The following BCAR1 variants were observed in gnomAD, a reference collection of about 807,000 sequenced individuals.
The protein encoded by BCAR1 is breast cancer anti-estrogen resistance protein 1.
Under a neutral mutation model 67.6 loss-of-function variants are expected in BCAR1, and 30 were observed. The ratio of observed to expected loss-of-function variants is 0.44; its 90% CI spans 0.33 to 0.60. The LOEUF (loss-of-function observed/expected upper bound fraction) is 0.60, where lower values mean the gene tolerates loss of function less well. Ranked by LOEUF, BCAR1 falls within the 20% of genes least tolerant of loss-of-function variation. The pLI, the probability that BCAR1 is intolerant of heterozygous loss-of-function variation, is 0.02. For missense variants in BCAR1, 1,313 were observed against 1,222.3 expected (o/e 1.07, Z -1.11); for synonymous variants, 626 against 556.7 (o/e 1.12, Z -1.75).
chr16:75,250,662 C>T, intron 1 of BCAR1: 3 of 985,544 alleles, frequency 3.0e-6, no homozygotes, highest in Non-Finnish European at 3.6e-6. Context: ...TTTCCCAACT[C>T]CCTCACCTCG....
At chr16:75,238,916 G>A (rs560764853) in intron 2 of BCAR1, 2 of 985,392 alleles carry the variant, frequency 2.0e-6, no homozygotes, top group East Asian at 1.1e-4. Context: ...CCAGCCTCAA[G>A]GCTCAGCCAG....
chr16:75,238,445 T>TC (rs2077217805), intron 2 of BCAR1: 1 of 1,020,018 alleles, frequency 9.8e-7, no homozygotes, highest in African/African-American at 1.7e-5. Context: ...AAGCAGCCCC[T>TC]CCCCCGGGCC....
intron 6 of BCAR1, among the ~76,000 whole-genome samples, chr16:75,231,944 C>T (rs774260645): frequency 5.9e-5 from 9 of 152,280 alleles, no homozygotes; most frequent in Admixed American, 1.3e-4. Context: ...TGCAGTGGTG[C>T]GATCTCGGCT....
At chr16:75,263,642 C>A (rs1178452746) in intron 1 of BCAR1, 12 of 985,346 alleles carry the variant, frequency 1.2e-5, no homozygotes, top group Non-Finnish European at 1.4e-5. Context: ...TCTCACCCTG[C>A]TTCCCCTCCC....
chr16:75,249,349 G>A (rs1362107640), intron 1 of BCAR1: 3 of 152,264 alleles, frequency 2.0e-5, no homozygotes, highest in South Asian at 2.1e-4. Context: ...AGGCTAGAAT[G>A]TAGAGGTGGG....
At chr16:75,254,771 CT>C (rs1248973553), upstream of BCAR1, among the ~76,000 whole-genome samples, 2 of 152,172 alleles carry the variant, frequency 1.3e-5, no homozygotes, top group African/African-American at 2.4e-5. Context: ...TGAAGATGAG[CT>C]CACAGGCTGG....
intron 1 of BCAR1, chr16:75,247,835 A>G (rs2077564518): frequency 1.7e-6 from 1 of 586,698 alleles, no homozygotes; most frequent in Admixed American, 2.8e-5. Context: ...CCCGCAAGCC[A>G]GCACAAGGTG....
At chr16:75,265,606 G>T (rs757822796) in intron 1 of BCAR1, among the ~76,000 whole-genome samples, 28 of 151,970 alleles carry the variant, frequency 1.8e-4, no homozygotes, top group Non-Finnish European at 2.9e-4. Flanking sequence ...ACCCCAGCCC[G>T]ATCCAGCTCT....
At chr16:75,230,790 T>G (rs895878768) in intron 6 of BCAR1, among the ~76,000 whole-genome samples, 1 of 152,298 alleles carries the variant, frequency 6.6e-6, no homozygotes. Context: ...TCCTAACACT[T>G]AGAACCTCGC....
rs770921715 is a variant in BCAR1, at chr16:75,235,132, G to A, written c.1767C>T (p.Asp589=). 8.7e-6 allele frequency: 14 copies of A among 1,609,760 alleles called. No homozygotes were observed. The highest frequency in any genetic ancestry group is 3.3e-4 in the Middle Eastern group (2 of 6,082). ...LVACSRAVPE[D]AKQLASFLHG... ...GCAGGAAGGAGGCCAGCTGCTTGGC[G>A]TCCTCGGGCACAGCCCGCGAGCAGG... Residue 589 remains aspartate, a synonymous_variant, in exon 5 of 7, where the codon GAC becomes GAT. Transcript: ENST00000162330.
chr16:75,237,198 G>T lies in BCAR1; in HGVS notation c.780C>A (p.Ser260Arg), dbSNP rs1365552723. ...CCACACCTACCTCCTGGCCATACTG[G>T]CTGGGAAGCAGCCCCCGAACCGGGG... is the stretch of plus-strand genomic sequence containing the variant. ...DVPPVRGLLP[S>R]QYGQEVYDTP... The change falls in exon 3 of 7, where the codon AGC becomes AGA. Residue 260 changes from serine to arginine, a missense_variant. Physicochemically the swap from Ser to Arg is moderately radical, Grantham distance 110. Around this residue, in one of 2 missense-constraint regions of BCAR1, gnomAD observed 1,272 missense variants for 1,137.5 expected, o/e 1.12. Transcript: ENST00000162330. 3 of 1,572,266 alleles carry T rather than the reference G, an allele frequency of 1.9e-6. No individual in the cohort carries two copies. The highest frequency in any genetic ancestry group is 1.4e-5 in the African/African-American group (1 of 73,350).
At chr16:75,243,228 T>A in intron 1 of BCAR1, 138 bp from the exon 2 acceptor site, 1 of 937,166 alleles carries the variant, frequency 1.1e-6, no homozygotes, top group Non-Finnish European at 1.6e-6. Flanking sequence ...GCGAGATCAT[T>A]GTGCCTTTGC....
At chr16:75,246,232 A>T (rs948772267) in intron 1 of BCAR1, 1 of 152,028 alleles carries the variant, frequency 6.6e-6, no homozygotes, top group African/African-American at 2.4e-5. Flanking sequence ...CGGACTCCCA[A>T]AGTGCTGGGA....
At chr16:75,241,549 C>A (rs1240788525) in intron 2 of BCAR1, among the ~76,000 whole-genome samples, 1 of 152,210 alleles carries the variant, frequency 6.6e-6, no homozygotes, top group Non-Finnish European at 1.5e-5. Flanking sequence ...CGCCTCTGAC[C>A]AGATGGCTGA....
Position 75,235,024 on chromosome 16 carries a change from G to A in BCAR1, c.1875C>T (p.Pro625=). The A allele has an allele frequency of 1.2e-6, 2 of 1,613,274 alleles. No individual in the cohort carries two copies. Among genetic ancestry groups the A allele is most frequent in the South Asian group, 1.1e-5 (1 of 91,064 alleles). Reference sequence around the variant, plus strand: ...ACTGGATGCTGCTGGTCTTGTCAGTGGGGTTGGGGTGCAGGGTGCCACCCC... The same window carrying A: ...ACTGGATGCTGCTGGTCTTGTCAGTAGGGTTGGGGTGCAGGGTGCCACCCC... ...PEGGGTLHPN[P]TDKTSSIQSR... is the part of the protein sequence containing the mutation. Residue 625 remains proline (P), a synonymous_variant, in exon 5 of 7, where the codon CCC becomes CCT. Transcript: ENST00000162330.
chr16:75,264,300 G>A (rs750452057), intron 1 of BCAR1: 3 of 1,423,564 alleles, frequency 2.1e-6, no homozygotes, highest in Non-Finnish European at 2.8e-6. Context: ...GCCCGCCCAG[G>A]CTGGGATGTG....
intron 1 of BCAR1, chr16:75,246,893 A>T (rs2077538017): frequency 1.3e-5 from 2 of 152,300 alleles, no homozygotes; most frequent in Admixed American, 1.3e-4. Flanking sequence ...CAAGTTTTCA[A>T]GGGACACAAC....
At chr16:75,257,609 C>T (rs1433330626) in intron 1 of BCAR1, among the ~76,000 whole-genome samples, 1 of 152,224 alleles carries the variant, frequency 6.6e-6, no homozygotes, top group Admixed American at 6.5e-5. Flanking sequence ...TGTGCACCGC[C>T]ATGCCTGGCT....
At chr16:75,234,164 GACACACACACACACAC>G (rs60447098) in intron 5 of BCAR1, among the ~76,000 whole-genome samples, 10 of 94,958 alleles carry the variant, frequency 1.1e-4, no homozygotes, top group Non-Finnish European at 2.0e-4. Context: ...CAGGCAGACA[GACACACACACACACAC>G]ACACACACAC....
Sources: gnomAD v4.1 joint callset for allele counts (sites outside exome capture counted in the v4.1 genomes callset) on GRCh38, gnomAD v4.1.1 for gene constraint, gnomAD v4.1.1 regional missense constraint, MANE v1.5 for transcripts, NCBI Gene and HGNC (gene_info 2026-07-23, HGNC 2026-07-21) for gene names.